Variants in DENND2A observed in about 807,000 individuals in gnomAD.
DENND2A encodes the protein DENN domain containing 2A.
In DENND2A, 53 loss-of-function variants were observed where a neutral mutation model predicts 105.3. The observed-to-expected ratio is 0.50, with a 90% CI of 0.40 to 0.63. The LOEUF is 0.63. DENND2A is among the 30% of genes least tolerant of loss of function. The pLI, the probability that DENND2A is intolerant of heterozygous loss-of-function variation, is 0.00. For missense variants in DENND2A, 1,138 were observed against 1,279.6 expected, an observed-to-expected ratio of 0.89 and a Z score of 1.69; for synonymous variants, 522 against 508.4, an observed-to-expected ratio of 1.03 and a Z score of -0.36.
At chr7:140,569,207 G>A (rs551651247) in intron 7 of DENND2A, among the ~76,000 whole-genome samples, 8 of 152,208 alleles carry the variant, frequency 5.3e-5, no homozygotes, top group Non-Finnish European at 7.3e-5. Flanking sequence ...GATTACAGGC[G>A]TGAGCCACCG....
intron 14 of DENND2A, among the ~76,000 whole-genome samples, chr7:140,534,333 T>A (rs1481909159): frequency 6.6e-6 from 1 of 152,062 alleles, no homozygotes; most frequent in African/African-American, 2.4e-5. Context: ...TCTGCCCACC[T>A]TGGCCTCCCA....
intron 11 of DENND2A, among the ~76,000 whole-genome samples, chr7:140,557,552 T>TTC: frequency 1.1e-5 from 1 of 90,320 alleles, no homozygotes; most frequent in Non-Finnish European, 2.3e-5. Context: ...TTTTTTTTTT[T>TTC]TTTTTGAGAC....
rs1460238952 is a variant in DENND2A, at chr7:140,558,159, T to G, written c.1943A>C (p.Tyr648Ser). The G allele has an allele frequency of 2.5e-6, 4 of 1,613,590 alleles. No individual in the cohort carries two copies. The highest frequency in any genetic ancestry group is 2.7e-5 in the African/African-American group (2 of 74,934). The change falls in exon 11 of 20, where the codon TAC (tyrosine) becomes TCC (serine). Residue 648 changes from tyrosine to serine, a missense_variant. This residue lies in a region of DENND2A where 627 missense variants were observed against 779.8 expected (regional missense o/e 0.80). Transcript: ENST00000496613. ...TGTACTCACCAGCAGTCTTCGGCAG[T>G]AACCGAACCTTCTGCTCCCATCTTC... is the stretch of plus-strand genomic sequence containing the variant. The part of the protein sequence containing the change: ...TGEDGSRRFG[Y>S]CRRLLPGGKG...
At chr7:140,617,629 G>A (rs528174410) in intron 1 of DENND2A, among the ~76,000 whole-genome samples, 2 of 152,040 alleles carry the variant, frequency 1.3e-5, no homozygotes, top group South Asian at 2.1e-4. Context: ...GAGGAGAATC[G>A]CTTGAACCTG....
intron 12 of DENND2A, 108 bp downstream of exon 12, chr7:140,555,528 G>C: frequency 1.1e-6 from 1 of 893,452 alleles, no homozygotes; most frequent in Non-Finnish European, 1.8e-6. Context: ...AAGGGAAGTA[G>C]GTAGAGAATA....
At chr7:140,577,015 AAC>A (rs1798325929) in intron 5 of DENND2A, among the ~76,000 whole-genome samples, 1 of 152,236 alleles carries the variant, frequency 6.6e-6, no homozygotes. Context: ...ATGGAAACAC[AAC>A]ACACAGCTTT....
At chr7:140,562,752 T>A (rs569076379) in intron 9 of DENND2A, among the ~76,000 whole-genome samples, 22 of 152,270 alleles carry the variant, frequency 1.4e-4, no homozygotes, top group African/African-American at 5.1e-4. Flanking sequence ...AGCCATGGGG[T>A]GCCACTAATA....
chr7:140,601,900 G>A lies in DENND2A; in HGVS notation c.498C>T (p.Leu166=). ...PLSVLKQVKK[L]EQALKDGSAG... ...CCGACCCATCCTTCAAAGCCTGCTCGAGTTTCTTGACCTGCTTCAGCACGG... is the reference window on the plus strand; with the variant it reads ...CCGACCCATCCTTCAAAGCCTGCTCAAGTTTCTTGACCTGCTTCAGCACGG... Residue 166 remains leucine (L), a synonymous_variant, in exon 3 of 20, where the codon CTC becomes CTT. Coordinates refer to ENST00000496613, the MANE Select transcript of DENND2A (RefSeq NM_015689.5). 6.2e-7 allele frequency: 1 copy of A among 1,614,148 alleles called. No individual in the cohort carries two copies. The highest frequency in any genetic ancestry group is 8.5e-7 in the Non-Finnish European group (1 of 1,180,040).
intron 1 of DENND2A, among the ~76,000 whole-genome samples, chr7:140,625,799 T>TAA (rs1337914663): frequency 1.3e-5 from 2 of 152,246 alleles, no homozygotes; most frequent in Non-Finnish European, 2.9e-5. Flanking sequence ...GTTGATGTTC[T>TAA]AACAAAATGT....
chr7:140,620,404 A>T (rs1432355922), intron 1 of DENND2A, among the ~76,000 whole-genome samples: 1 of 151,806 alleles, frequency 6.6e-6, no homozygotes, highest in African/African-American at 2.4e-5. Context: ...AAAGAAAATG[A>T]CTGGAAGTAA....
chr7:140,537,123 A>C (rs1215201095), intron 14 of DENND2A, among the ~76,000 whole-genome samples: 1 of 152,226 alleles, frequency 6.6e-6, no homozygotes, highest in African/African-American at 2.4e-5. Flanking sequence ...GGGCAAACTC[A>C]TCTCCCTAGA....
At chr7:140,561,840 T>C (rs1306005592) in intron 9 of DENND2A, among the ~76,000 whole-genome samples, 1 of 151,776 alleles carries the variant, frequency 6.6e-6, no homozygotes, top group Non-Finnish European at 1.5e-5. Context: ...CTGTAATAAT[T>C]TGCATCAATT....
chr7:140,577,872 G>C (rs1024463230), intron 5 of DENND2A, among the ~76,000 whole-genome samples: 1 of 152,196 alleles, frequency 6.6e-6, no homozygotes, highest in Admixed American at 6.5e-5. Context: ...GGAACCAGCA[G>C]TTGCTTGTCA....
At chr7:140,569,772 A>G (rs1798015084) in intron 6 of DENND2A, 34 bp from the exon 7 acceptor site, 1 of 1,453,160 alleles carries the variant, frequency 6.9e-7, no homozygotes. Flanking sequence ...AGCCAGTGTT[A>G]GCAGCCCACT....
At chr7:140,617,926 T>C (rs1470160887) in intron 1 of DENND2A, among the ~76,000 whole-genome samples, 2 of 152,180 alleles carry the variant, frequency 1.3e-5, no homozygotes, top group Admixed American at 1.3e-4. Flanking sequence ...CTGCAGAACA[T>C]TGTAACATAT....
At chr7:140,614,418 T>A (rs886135043) in intron 1 of DENND2A, among the ~76,000 whole-genome samples, 5 of 152,354 alleles carry the variant, frequency 3.3e-5, no homozygotes, top group African/African-American at 7.2e-5. Flanking sequence ...AGACAGATCT[T>A]ACTGTGACTT....
At chr7:140,586,901 GT>G (rs1798806342) in intron 4 of DENND2A, among the ~76,000 whole-genome samples, 1 of 152,060 alleles carries the variant, frequency 6.6e-6, no homozygotes, top group East Asian at 1.9e-4. Flanking sequence ...ACACATATGG[GT>G]TTCTCCCTTT....
chr7:140,569,636 G>A lies in DENND2A; in HGVS notation c.1540+9C>T. ...CTTGCGGGAGGAGGGCTGGTGGTGG[G>A]GGTTCTACCTTTTCCTGAGTTGCTC... On this transcript the variant is annotated intron_variant, in intron 7 of 19. Transcript: ENST00000496613. The A allele has an allele frequency of 6.3e-7, 1 of 1,586,414 alleles. No homozygotes were observed. Among genetic ancestry groups the A allele is most frequent in the Non-Finnish European group, 8.7e-7 (1 of 1,154,706 alleles).
At chr7:140,519,889 GCCC>G in intron 18 of DENND2A, among the ~76,000 whole-genome samples, 171 bp from the exon 19 acceptor site, 1 of 152,106 alleles carries the variant, frequency 6.6e-6, no homozygotes, top group Non-Finnish European at 1.5e-5. Context: ...TCTTATAATT[GCCC>G]CACCTGTGCA....
Sources: gnomAD v4.1 joint callset for allele counts (sites outside exome capture counted in the v4.1 genomes callset) on GRCh38, gnomAD v4.1.1 for gene constraint, gnomAD v4.1.1 regional missense constraint, MANE v1.5 for transcripts, NCBI Gene and HGNC (gene_info 2026-07-23, HGNC 2026-07-21) for gene names.